DLG2: variants seen among roughly 807,000 people sequenced by gnomAD.
DLG2 encodes discs large MAGUK scaffold protein 2, also known as disks large homolog 2.
Under a neutral mutation model 132.5 loss-of-function variants are expected in DLG2, and 45 were observed. The ratio of observed to expected loss-of-function variants is 0.34; its 90% CI spans 0.27 to 0.44. DLG2 has a LOEUF of 0.44. DLG2 is among the 20% of genes least tolerant of loss of function. The probability of loss-of-function intolerance (pLI) is 1.00; values close to 1 mark genes in which losing one functional copy is unlikely to be tolerated. For synonymous variants in DLG2, 424 were observed against 419.6 expected, an observed-to-expected ratio of 1.01 and a Z score of -0.13; for missense variants, 1,045 against 1,196.9, an observed-to-expected ratio of 0.87 and a Z score of 1.87.
chr11:85,245,439 G>T (rs1256514885), intron 4 of DLG2, among the ~76,000 whole-genome samples: 1 of 151,804 alleles, frequency 6.6e-6, no homozygotes, highest in Non-Finnish European at 1.5e-5. Context: ...AAGGTATTAG[G>T]AAATATTTTG....
chr11:85,622,746 A>T (rs1475123384), intron 2 of DLG2, among the ~76,000 whole-genome samples: 1 of 152,110 alleles, frequency 6.6e-6, no homozygotes, highest in Non-Finnish European at 1.5e-5. Flanking sequence ...TGCCTATGAG[A>T]TATATGGCAA....
In DLG2 at chr11:84,059,500, A is replaced by C; in HGVS notation, c.750-16T>G. The C allele has an allele frequency of 6.5e-7, 1 of 1,548,074 alleles. No individual in the cohort carries two copies. Among genetic ancestry groups the C allele is most frequent in the South Asian group, 1.2e-5 (1 of 80,534 alleles). ...ATCATTGACCCTGCAAGGAAGGAAA[A>C]GAGTCAAGATTCAGAAGTGGCTAGC... On this transcript the variant is annotated splice_polypyrimidine_tract_variant and intron_variant, in intron 10 of 27. Coordinates refer to ENST00000376104, the MANE Select transcript of DLG2 (RefSeq NM_001142699.3).
chr11:84,893,317 A>G (rs2089708089), intron 6 of DLG2, among the ~76,000 whole-genome samples: 1 of 152,148 alleles, frequency 6.6e-6, no homozygotes, highest in Non-Finnish European at 1.5e-5. Flanking sequence ...GACCCTAGAT[A>G]TGTGCCTAAT....
intron 7 of DLG2, among the ~76,000 whole-genome samples, chr11:84,362,383 G>A (rs1049427505): frequency 1.3e-5 from 2 of 152,038 alleles, no homozygotes; most frequent in African/African-American, 4.8e-5. Flanking sequence ...TATAACAGCT[G>A]CTTTTTTAAA....
chr11:84,287,301 C>T (rs2097918925), intron 7 of DLG2, among the ~76,000 whole-genome samples: 1 of 152,042 alleles, frequency 6.6e-6, no homozygotes, highest in Non-Finnish European at 1.5e-5. Flanking sequence ...TTGATTCTTA[C>T]AACAATCCTA....
chr11:83,828,331 T>G (rs557796766), intron 17 of DLG2, among the ~76,000 whole-genome samples: 1 of 152,302 alleles, frequency 6.6e-6, no homozygotes, highest in East Asian at 1.9e-4. Flanking sequence ...AGGCAGAGGT[T>G]GCAGTGAGCC....
chr11:85,401,298 C>A lies in DLG2; in HGVS notation c.41-115933G>T, dbSNP rs572646244. Among the ~76,000 whole-genome samples the A allele has an allele frequency of 3.9e-5, 6 of 152,026 alleles. No individual in the cohort carries two copies. The South Asian group carries it at 1.2e-3, about 32-fold the overall frequency. ...TGACAAAATTTAACAGCCTTTCATG[C>A]AAAAAACTCTCAATAAACTAGGTGT... On this transcript the variant is annotated intron_variant, in intron 3 of 27. Transcript: ENST00000376104.
At chr11:85,100,122 C>T (rs1236817544) in intron 6 of DLG2, among the ~76,000 whole-genome samples, 1 of 152,102 alleles carries the variant, frequency 6.6e-6, no homozygotes, top group Non-Finnish European at 1.5e-5. Flanking sequence ...CTCATATAAA[C>T]ATCTAAACTT....
intron 6 of DLG2, among the ~76,000 whole-genome samples, chr11:84,890,365 G>A (rs1011818141): frequency 3.3e-5 from 5 of 152,078 alleles, no homozygotes; most frequent in East Asian, 1.9e-4. Context: ...ACTGTGAAGC[G>A]GTCAAGTCCT....
At chr11:84,541,188 T>TATA (rs536129464) in intron 6 of DLG2, among the ~76,000 whole-genome samples, 4,723 of 113,858 alleles carry the variant, frequency 0.041, 70 homozygotes, top group Middle Eastern at 0.059. Context: ...CTTGAAGTAT[T>TATA]ATAATAATAA....
intron 7 of DLG2, among the ~76,000 whole-genome samples, chr11:84,383,219 T>C (rs1003451623): frequency 6.6e-6 from 1 of 152,108 alleles, no homozygotes; most frequent in Non-Finnish European, 1.5e-5. Flanking sequence ...TCCTATTATC[T>C]ACTCATAAAT....
At chr11:85,067,096 G>C (rs568867515) in intron 6 of DLG2, among the ~76,000 whole-genome samples, 42 of 151,894 alleles carry the variant, frequency 2.8e-4, no homozygotes, top group African/African-American at 9.9e-4. Flanking sequence ...TGCACTCCAG[G>C]AATTCATCCA....
chr11:83,860,880 G>T (rs547697101), intron 16 of DLG2, among the ~76,000 whole-genome samples: 28 of 152,154 alleles, frequency 1.8e-4, no homozygotes, highest in Non-Finnish European at 4.0e-4. Context: ...TAAGTCTCAT[G>T]AGATCTGATG....
At position 85,527,602 on chromosome 11, in the gene DLG2, G is replaced by A. The variant is rs145567482; in HGVS notation, c.40+71055C>T. 6.2e-3 allele frequency among the ~76,000 whole-genome samples: 945 copies of A among 152,162 alleles called. 8 individuals carry two copies. Among genetic ancestry groups the A allele is most frequent in the African/African-American group, 0.021 (887 of 41,524 alleles). On this transcript the variant is annotated intron_variant, in intron 3 of 27. Transcript: ENST00000376104. ...TTCTTTATCCAGTCTATCATTGATG[G>A]GCATTTGGGTTTGTTCCAAGTATTT...
intron 6 of DLG2, among the ~76,000 whole-genome samples, chr11:85,076,122 G>A (rs181458852): frequency 1.3e-5 from 2 of 152,022 alleles, no homozygotes; most frequent in East Asian, 3.9e-4. Context: ...GTGTCAGAAA[G>A]TATGCTATTA....
At chr11:84,921,842 AT>A (rs2092771576) in intron 6 of DLG2, among the ~76,000 whole-genome samples, 1 of 152,120 alleles carries the variant, frequency 6.6e-6, no homozygotes, top group Admixed American at 6.5e-5. Flanking sequence ...ATTTTTAATT[AT>A]TTTTTTCATG....
At chr11:84,719,970 C>T (rs2153793582) in intron 6 of DLG2, among the ~76,000 whole-genome samples, 1 of 152,234 alleles carries the variant, frequency 6.6e-6, no homozygotes, top group East Asian at 1.9e-4. Context: ...AATTAGCAGT[C>T]TGGAGCCCAG....
intron 6 of DLG2, among the ~76,000 whole-genome samples, chr11:85,054,262 TAA>T (rs544518708): frequency 6.4e-5 from 8 of 124,112 alleles, no homozygotes; most frequent in Admixed American, 1.6e-4. Flanking sequence ...AGATTCCACC[TAA>T]AAAAAAAAAA....
chr11:84,942,875 T>C (rs569776906), intron 6 of DLG2, among the ~76,000 whole-genome samples: 1 of 152,316 alleles, frequency 6.6e-6, no homozygotes, highest in African/African-American at 2.4e-5. Flanking sequence ...GCTTTAATAA[T>C]ATTTGCTTTA....
Sources: gnomAD v4.1 joint callset for allele counts (sites outside exome capture counted in the v4.1 genomes callset) on GRCh38, gnomAD v4.1.1 for gene constraint, MANE v1.5 for transcripts, NCBI Gene and HGNC (gene_info 2026-07-23, HGNC 2026-07-21) for gene names.